ANKIB1: variants seen among roughly 807,000 people sequenced by gnomAD.
ANKIB1 encodes ankyrin repeat and IBR domain-containing protein 1.
A neutral mutation model predicts 122.1 loss-of-function variants in ANKIB1; 43 were observed. That is an observed-to-expected ratio of 0.35 (90% CI 0.28 to 0.45). The LOEUF is 0.45. Among genes scored for constraint, ANKIB1 ranks in the 20% least tolerant of loss-of-function variants. ANKIB1 has a pLI of 1.00. For synonymous variants in ANKIB1, 390 were observed against 442.0 expected, an observed-to-expected ratio of 0.88 and a Z score of 1.48; for missense variants, 992 against 1,329.5, an observed-to-expected ratio of 0.75 and a Z score of 3.95.
At chr7:92,297,666 GT>G (rs34265787) in intron 2 of ANKIB1, among the ~76,000 whole-genome samples, 14,269 of 146,114 alleles carry the variant, frequency 0.098, 883 homozygotes, top group East Asian at 0.36. Flanking sequence ...CATCTAAATG[GT>G]TTTTTTTTTT....
chr7:92,308,340 A>G (rs1802611200), intron 3 of ANKIB1, among the ~76,000 whole-genome samples: 1 of 152,180 alleles, frequency 6.6e-6, no homozygotes, highest in Admixed American at 6.5e-5. Context: ...TCATAGTTAT[A>G]GTAGAGATAT....
rs371589715 is a variant in ANKIB1 at position 92,373,202 on chromosome 7, T to G, written c.1617+1595T>G. 3.2e-4 allele frequency among the ~76,000 whole-genome samples: 48 copies of G among 152,304 alleles called. 1 individual carries two copies. The highest frequency in any genetic ancestry group is 9.9e-4 in the African/African-American group (41 of 41,564). ...CAGCTAAGGATCCAGCCAAAATTAT[T>G]TCATCTATTTGTGATCTTATCTCCA... On this transcript the variant is annotated intron_variant, in intron 11 of 19. Transcript: ENST00000265742.
chr7:92,260,578 G>T (rs774228461), intron 1 of ANKIB1, among the ~76,000 whole-genome samples: 1 of 152,056 alleles, frequency 6.6e-6, no homozygotes, highest in Non-Finnish European at 1.5e-5. Context: ...TGCTCAGGAG[G>T]AGGCTAAAGT....
chr7:92,285,942 T>A (rs778792931), intron 1 of ANKIB1, among the ~76,000 whole-genome samples: 8 of 152,214 alleles, frequency 5.3e-5, no homozygotes, highest in Non-Finnish European at 8.8e-5. Context: ...GATTTAGCCT[T>A]AGTTATGCAA....
chr7:92,288,361 A>T (rs1156348206), intron 1 of ANKIB1, among the ~76,000 whole-genome samples: 1 of 152,208 alleles, frequency 6.6e-6, no homozygotes, highest in African/African-American at 2.4e-5. Context: ...AGAAGACATA[A>T]ATAGAAATAC....
intron 5 of ANKIB1, among the ~76,000 whole-genome samples, chr7:92,336,463 A>G (rs1803290494): frequency 6.6e-6 from 1 of 152,098 alleles, no homozygotes; most frequent in African/African-American, 2.4e-5. Context: ...GATTACCTCA[A>G]GGTTGGTGTC....
intron 1 of ANKIB1, among the ~76,000 whole-genome samples, chr7:92,250,369 G>A (rs1181375001): frequency 6.6e-6 from 1 of 152,074 alleles, no homozygotes; most frequent in Non-Finnish European, 1.5e-5. Context: ...CTCTAGCCTG[G>A]GCAACAAGAG....
At chr7:92,254,376 A>G (rs926393615) in intron 1 of ANKIB1, among the ~76,000 whole-genome samples, 16 of 152,216 alleles carry the variant, frequency 1.1e-4, no homozygotes, top group Non-Finnish European at 1.8e-4. Flanking sequence ...ATCTTTGTGC[A>G]TAGTATATAC....
chr7:92,376,398 A>T (rs1353215133), intron 11 of ANKIB1, among the ~76,000 whole-genome samples: 1 of 151,968 alleles, frequency 6.6e-6, no homozygotes, highest in African/African-American at 2.4e-5. Context: ...ATAATTTGCC[A>T]CAGCTTCTAC....
intron 1 of ANKIB1, among the ~76,000 whole-genome samples, chr7:92,292,446 T>C (rs1802269128): frequency 1.3e-5 from 2 of 152,214 alleles, no homozygotes. Context: ...TTTCTTTTTT[T>C]TACTTCTTAG....
intron 11 of ANKIB1, among the ~76,000 whole-genome samples, chr7:92,382,967 A>T (rs186996322): frequency 1.2e-4 from 19 of 152,296 alleles, no homozygotes; most frequent in African/African-American, 3.8e-4. Flanking sequence ...TTTTTTGAAA[A>T]GATCAACAAA....
At chr7:92,345,888 T>A (rs1803529268) in intron 7 of ANKIB1, among the ~76,000 whole-genome samples, 1 of 151,576 alleles carries the variant, frequency 6.6e-6, no homozygotes, top group African/African-American at 2.4e-5. Flanking sequence ...GCAGATTTTC[T>A]GAGTTTTTCT....
chr7:92,270,262 T>TA (rs1801760159), intron 1 of ANKIB1, among the ~76,000 whole-genome samples: 1 of 152,064 alleles, frequency 6.6e-6, no homozygotes, highest in Non-Finnish European at 1.5e-5. Context: ...AGGATCTTGC[T>TA]ATGCTGCCTA....
intron 3 of ANKIB1, among the ~76,000 whole-genome samples, chr7:92,310,054 C>T (rs1802659868): frequency 6.7e-6 from 1 of 149,458 alleles, no homozygotes; most frequent in East Asian, 2.0e-4. Context: ...CAATGACATA[C>T]TTATTAAATT....
chr7:92,296,848 G>A (rs1252590049), intron 2 of ANKIB1, among the ~76,000 whole-genome samples: 3 of 151,892 alleles, frequency 2.0e-5, no homozygotes, highest in South Asian at 4.1e-4. Flanking sequence ...GGTCATCCAG[G>A]CCTATGACTT....
intron 3 of ANKIB1, among the ~76,000 whole-genome samples, chr7:92,315,246 G>C (rs73711595): frequency 0.029 from 4,376 of 152,272 alleles, 200 homozygotes; most frequent in African/African-American, 0.1. Context: ...GAAATTGGTT[G>C]AAAGGAAGAG....
At chr7:92,347,235 G>A (rs1468510785) in intron 7 of ANKIB1, among the ~76,000 whole-genome samples, 2 of 152,100 alleles carry the variant, frequency 1.3e-5, no homozygotes. Context: ...CTTTGAATGT[G>A]GCCCAACACA....
Position 92,343,070 on chromosome 7 carries a change from G to A in ANKIB1, c.834G>A (p.Glu278=). The change falls in exon 6 of 20, where the codon GAG becomes GAA. Residue 278 remains glutamate (E), a synonymous_variant. Transcript: ENST00000265742. ...TTGAAGCTTGGATGTCCAACCCGGAGAACTGCTGCCAACGATCAGGTGTTC... is the reference window on the plus strand; with the variant it reads ...TTGAAGCTTGGATGTCCAACCCGGAAAACTGCTGCCAACGATCAGGTGTTC... ...KLLEAWMSNP[E]NCCQRSGVQM... The A allele has an allele frequency of 6.2e-7, 1 of 1,613,956 alleles. No individual in the cohort carries two copies. Among genetic ancestry groups the A allele is most frequent in the South Asian group, 1.1e-5 (1 of 91,078 alleles).
chr7:92,311,733 C>A (rs1444382137), intron 3 of ANKIB1, among the ~76,000 whole-genome samples: 1 of 151,826 alleles, frequency 6.6e-6, no homozygotes, highest in Non-Finnish European at 1.5e-5. Flanking sequence ...CCCACACACA[C>A]ACACACAGAA....
Sources: gnomAD v4.1 joint callset for allele counts (sites outside exome capture counted in the v4.1 genomes callset) on GRCh38, gnomAD v4.1.1 for gene constraint, MANE v1.5 for transcripts, NCBI Gene and HGNC (gene_info 2026-07-23, HGNC 2026-07-21) for gene names.